The following RNF2 variants were observed in gnomAD, a reference collection of about 807,000 sequenced individuals.
RNF2 encodes the protein ring finger protein 2.
RNF2 carries 6 observed loss-of-function variants against 37.2 expected under a neutral mutation model. The observed-to-expected ratio is 0.16, with a 90% CI of 0.09 to 0.32. The LOEUF (loss-of-function observed/expected upper bound fraction) is 0.32, where lower values mean the gene tolerates loss of function less well. RNF2 is among the 10% of genes least tolerant of loss of function. The pLI is 1.00. For missense variants in RNF2, 251 were observed against 404.0 expected (o/e 0.62, Z 3.25); for synonymous variants, 133 against 132.7 (o/e 1.00, Z -0.02).
chr1:185,079,882 A>G (rs1406896034), intron 1 of RNF2, among the ~76,000 whole-genome samples: 2 of 151,978 alleles, frequency 1.3e-5, no homozygotes, highest in African/African-American at 4.8e-5. Flanking sequence ...GTGAGCTGAG[A>G]TCGCGCCACT....
At chr1:185,083,518 A>T (rs1651490335) in intron 1 of RNF2, among the ~76,000 whole-genome samples, 1 of 151,530 alleles carries the variant, frequency 6.6e-6, no homozygotes, top group African/African-American at 2.4e-5. Flanking sequence ...TCTCCTTCCC[A>T]CTCAGGGTCT....
At chr1:185,045,839 G>C (rs1300739176) in intron 1 of RNF2, among the ~76,000 whole-genome samples, 190 bp downstream of exon 1, 1 of 152,176 alleles carries the variant, frequency 6.6e-6, no homozygotes, top group African/African-American at 2.4e-5. Flanking sequence ...CGGGTGAAGC[G>C]GGTTCTCATT....
chr1:185,050,945 AACATTATG>A (rs1282272725), intron 1 of RNF2, among the ~76,000 whole-genome samples: 1 of 152,214 alleles, frequency 6.6e-6, no homozygotes. Context: ...CCAAAAATAA[AACATTATG>A]TAGTTTCTTA....
At chr1:185,060,184 T>G (rs1051366845) in intron 1 of RNF2, among the ~76,000 whole-genome samples, 3 of 152,218 alleles carry the variant, frequency 2.0e-5, no homozygotes, top group Non-Finnish European at 4.4e-5. Context: ...AGACTTCTCT[T>G]TTTGGTTTGT....
At chr1:185,099,518 T>C (rs1652016517) in intron 5 of RNF2, among the ~76,000 whole-genome samples, 1 of 152,220 alleles carries the variant, frequency 6.6e-6, no homozygotes, top group South Asian at 2.1e-4. Context: ...TCTGTTTGAT[T>C]TTTGTCACTG....
At chr1:185,077,008 G>A (rs1291890091) in intron 1 of RNF2, among the ~76,000 whole-genome samples, 4 of 152,010 alleles carry the variant, frequency 2.6e-5, no homozygotes, top group Admixed American at 2.6e-4. Flanking sequence ...AAGTTGTAGA[G>A]TTTTGTCTTT....
chr1:185,081,068 G>A (rs545544801), intron 1 of RNF2, among the ~76,000 whole-genome samples: 1 of 152,292 alleles, frequency 6.6e-6, no homozygotes, highest in South Asian at 2.1e-4. Flanking sequence ...TGGCACATGT[G>A]TTAGTTTGGT....
chr1:185,074,619 C>T (rs1435250265), intron 1 of RNF2, among the ~76,000 whole-genome samples: 1 of 152,014 alleles, frequency 6.6e-6, no homozygotes, highest in Non-Finnish European at 1.5e-5. Context: ...AAAAAAAAGA[C>T]CAGATACAGT....
At chr1:185,048,111 C>G (rs1482238272) in intron 1 of RNF2, among the ~76,000 whole-genome samples, 3 of 152,038 alleles carry the variant, frequency 2.0e-5, no homozygotes, top group Non-Finnish European at 4.4e-5. Flanking sequence ...TTGGGGGAAG[C>G]GCAGTTTGAT....
chr1:185,097,825 G>T (rs139442978), intron 4 of RNF2, among the ~76,000 whole-genome samples: 1 of 152,200 alleles, frequency 6.6e-6, no homozygotes, highest in Non-Finnish European at 1.5e-5. Flanking sequence ...GTGAACCACC[G>T]TGCCTGGCCA....
intron 1 of RNF2, among the ~76,000 whole-genome samples, chr1:185,065,654 G>A (rs916676780): frequency 6.6e-6 from 1 of 152,088 alleles, no homozygotes; most frequent in African/African-American, 2.4e-5. Flanking sequence ...CTAACTCACC[G>A]GAAGGAAGAA....
At chr1:185,093,998 TG>T (rs1651842474) in intron 4 of RNF2, among the ~76,000 whole-genome samples, 1 of 152,310 alleles carries the variant, frequency 6.6e-6, no homozygotes, top group Admixed American at 6.5e-5. Context: ...TTTCTCCATA[TG>T]GGTATCTAAT....
intron 1 of RNF2, among the ~76,000 whole-genome samples, chr1:185,076,268 G>GCTTTTTTT (rs1553240995): frequency 1.5e-4 from 4 of 27,334 alleles, no homozygotes; most frequent in Admixed American, 4.0e-4. Flanking sequence ...TTTATGGGTT[G>GCTTTTTTT]TTTTTTTTTT....
At chr1:185,046,593 C>T (rs1259608862) in intron 1 of RNF2, among the ~76,000 whole-genome samples, 1 of 152,016 alleles carries the variant, frequency 6.6e-6, no homozygotes, top group Non-Finnish European at 1.5e-5. Context: ...TCGAGGCTGT[C>T]GGAAGTTTTA....
At chr1:185,050,064 T>G (rs1650230939) in intron 1 of RNF2, among the ~76,000 whole-genome samples, 3 of 152,204 alleles carry the variant, frequency 2.0e-5, no homozygotes, top group African/African-American at 7.2e-5. Flanking sequence ...GTTTTGGAGT[T>G]GAGAGACAAT....
chr1:185,096,238 T>G (rs1380699816), intron 4 of RNF2, among the ~76,000 whole-genome samples: 1 of 152,214 alleles, frequency 6.6e-6, no homozygotes, highest in Non-Finnish European at 1.5e-5. Context: ...GTTCATACCT[T>G]TTTTTCAAAA....
chr1:185,047,587 G>C (rs1414758936), intron 1 of RNF2, among the ~76,000 whole-genome samples: 1 of 152,184 alleles, frequency 6.6e-6, no homozygotes, highest in Non-Finnish European at 1.5e-5. Context: ...AGATGTTTCA[G>C]TGACAGTTTC....
At chr1:185,052,911 C>T (rs1210197425) in intron 1 of RNF2, among the ~76,000 whole-genome samples, 1 of 152,008 alleles carries the variant, frequency 6.6e-6, no homozygotes, top group Non-Finnish European at 1.5e-5. Context: ...ACTACAGCTA[C>T]AGTGCTTAAT....
Position 185,091,590 on chromosome 1 carries a change from A to G in RNF2, c.99A>G (p.Thr33=). 1 of 1,613,582 alleles carries G rather than the reference A, an allele frequency of 6.2e-7. No individual in the cohort carries two copies. Among genetic ancestry groups the G allele is most frequent in the Non-Finnish European group, 8.5e-7 (1 of 1,179,978 alleles). Residue 33 remains threonine, a synonymous_variant, in exon 3 of 7, where the codon ACA becomes ACG. Coordinates refer to ENST00000367510, the MANE Select transcript of RNF2 (RefSeq NM_007212.4). ...TGACTCTTTTACAGGAGGCAATAAC[A>G]GATGGCTTAGAAATTGTGGTTTCAC... The part of the protein sequence containing the change: ...ELQRTPQEAI[T]DGLEIVVSPR...
Sources: gnomAD v4.1 joint callset for allele counts (sites outside exome capture counted in the v4.1 genomes callset) on GRCh38, gnomAD v4.1.1 for gene constraint, MANE v1.5 for transcripts, NCBI Gene and HGNC (gene_info 2026-07-23, HGNC 2026-07-21) for gene names.